The following CDH12 variants were observed in gnomAD, a reference collection of about 807,000 sequenced individuals.
CDH12 encodes cadherin 12.
A neutral mutation model predicts 74.1 loss-of-function variants in CDH12; 41 were observed. That is an observed-to-expected ratio of 0.55 (90% CI 0.43 to 0.72). The LOEUF (loss-of-function observed/expected upper bound fraction) is 0.72. Among genes scored for constraint, CDH12 ranks in the 30% least tolerant of loss-of-function variants. CDH12 has a pLI of 0.00. For missense variants in CDH12, 945 were observed against 977.2 expected, an observed-to-expected ratio of 0.97 and a Z score of 0.44; for synonymous variants, 399 against 355.0, an observed-to-expected ratio of 1.12 and a Z score of -1.39.
chr5:22,699,342 C>T (rs1157531798), intron 1 of CDH12, among the ~76,000 whole-genome samples: 2 of 151,230 alleles, frequency 1.3e-5, no homozygotes, highest in South Asian at 2.1e-4. Context: ...GATACCAATA[C>T]ATGTTTGTTA....
chr5:22,533,137 G>C (rs1031426557), intron 1 of CDH12, among the ~76,000 whole-genome samples: 1 of 151,438 alleles, frequency 6.6e-6, no homozygotes, highest in Admixed American at 6.6e-5. Context: ...TTTTTCTCCT[G>C]TATCAGTGGT....
At chr5:21,829,294 C>A (rs1366417225) in intron 8 of CDH12, among the ~76,000 whole-genome samples, 2 of 152,080 alleles carry the variant, frequency 1.3e-5, no homozygotes, top group African/African-American at 4.8e-5. Flanking sequence ...GAGAGAGATT[C>A]CATTTCAAAA....
chr5:22,496,063 T>C (rs1364864603), intron 2 of CDH12, among the ~76,000 whole-genome samples: 1 of 152,190 alleles, frequency 6.6e-6, no homozygotes, highest in Non-Finnish European at 1.5e-5. Flanking sequence ...TGGACCAATA[T>C]TATTTCATGT....
At chr5:22,708,157 T>C (rs1395455424) in intron 1 of CDH12, among the ~76,000 whole-genome samples, 1 of 152,162 alleles carries the variant, frequency 6.6e-6, no homozygotes, top group Non-Finnish European at 1.5e-5. Context: ...TCCTTCGCTT[T>C]GTCATTTAAG....
chr5:22,073,751 T>C (rs1255299420), intron 5 of CDH12, among the ~76,000 whole-genome samples: 3 of 152,038 alleles, frequency 2.0e-5, no homozygotes, highest in African/African-American at 7.2e-5. Context: ...GATATCAGCA[T>C]GAACATCTGA....
intron 3 of CDH12, among the ~76,000 whole-genome samples, chr5:22,333,545 AC>A (rs1363613818): frequency 6.6e-6 from 1 of 152,138 alleles, no homozygotes; most frequent in Non-Finnish European, 1.5e-5. Flanking sequence ...GCTAAATTCT[AC>A]CAAACATCTA....
At chr5:22,544,219 G>A (rs555439592) in intron 1 of CDH12, among the ~76,000 whole-genome samples, 17 of 151,954 alleles carry the variant, frequency 1.1e-4, no homozygotes, top group Non-Finnish European at 1.6e-4. Flanking sequence ...ATGATGCAGA[G>A]TAGTATGAAA....
chr5:22,308,922 AGAGAGAGAGAAAGAG>A (rs1580507341), intron 3 of CDH12, among the ~76,000 whole-genome samples: 6 of 23,924 alleles, frequency 2.5e-4, no homozygotes, highest in East Asian at 4.1e-3. Flanking sequence ...GAGAGAGAGG[AGAGAGAGAGAAAGAG>A]AGAGAGAGAG....
intron 1 of CDH12, among the ~76,000 whole-genome samples, chr5:22,590,592 T>C (rs1348237631): frequency 6.6e-6 from 1 of 152,228 alleles, no homozygotes; most frequent in African/African-American, 2.4e-5. Flanking sequence ...TAAAGCTTAA[T>C]TTCTAAAATT....
chr5:22,596,787 C>G (rs937714140), intron 1 of CDH12, among the ~76,000 whole-genome samples: 1 of 152,216 alleles, frequency 6.6e-6, no homozygotes, highest in African/African-American at 2.4e-5. Flanking sequence ...CTATCACGAG[C>G]ATCTCTTCTT....
chr5:22,748,209 A>T (rs1745388740), intron 1 of CDH12, among the ~76,000 whole-genome samples: 1 of 152,244 alleles, frequency 6.6e-6, no homozygotes, highest in South Asian at 2.1e-4. Flanking sequence ...TTTTCTGTAT[A>T]CAACTGAATA....
chr5:22,525,746 T>A (rs1448549367), intron 1 of CDH12, among the ~76,000 whole-genome samples: 1 of 151,952 alleles, frequency 6.6e-6, no homozygotes, highest in Non-Finnish European at 1.5e-5. Flanking sequence ...GGGTACTGGG[T>A]AGGAAGGAGA....
At chr5:22,750,031 A>G (rs1453619032) in intron 1 of CDH12, among the ~76,000 whole-genome samples, 1 of 152,190 alleles carries the variant, frequency 6.6e-6, no homozygotes, top group Admixed American at 6.5e-5. Flanking sequence ...CTCTGGTAAG[A>G]CATCATTCCT....
intron 1 of CDH12, among the ~76,000 whole-genome samples, chr5:22,801,499 T>C (rs2126417785): frequency 6.6e-6 from 1 of 151,922 alleles, no homozygotes; most frequent in Non-Finnish European, 1.5e-5. Flanking sequence ...TTATCTTTCG[T>C]TTCCTCCAGC....
chr5:22,722,014 G>A (rs1259745579), intron 1 of CDH12, among the ~76,000 whole-genome samples: 1 of 152,066 alleles, frequency 6.6e-6, no homozygotes, highest in Admixed American at 6.6e-5. Context: ...AAATGGACTA[G>A]TACAGACACT....
At chr5:21,816,352 T>G (rs1463290135) in intron 9 of CDH12, among the ~76,000 whole-genome samples, 3 of 151,704 alleles carry the variant, frequency 2.0e-5, no homozygotes, top group African/African-American at 7.3e-5. Flanking sequence ...TACGGCTGGG[T>G]GTGGTGGCTT....
At chr5:21,882,560 C>T (rs1752410801) in intron 6 of CDH12, 8 of 1,370,538 alleles carry the variant, frequency 5.8e-6, no homozygotes, top group South Asian at 3.5e-5. Flanking sequence ...TCTCGCCGCG[C>T]GCATGCCCTG....
At chr5:22,123,715 G>A (rs184135766) in intron 4 of CDH12, among the ~76,000 whole-genome samples, 1 of 152,256 alleles carries the variant, frequency 6.6e-6, no homozygotes, top group Non-Finnish European at 1.5e-5. Context: ...CGATTTTGCA[G>A]TAATACAGTT....
intron 2 of CDH12, among the ~76,000 whole-genome samples, chr5:22,457,568 T>A (rs979739003): frequency 1.0e-4 from 15 of 150,546 alleles, no homozygotes; most frequent in Admixed American, 4.0e-4. Context: ...TACAGGCACC[T>A]GCTAACATGC....
Sources: gnomAD v4.1 joint callset for allele counts (sites outside exome capture counted in the v4.1 genomes callset) on GRCh38, gnomAD v4.1.1 for gene constraint, MANE v1.5 for transcripts, NCBI Gene and HGNC (gene_info 2026-07-23, HGNC 2026-07-21) for gene names.